The following CABIN1 variants were observed in gnomAD, a reference collection of about 807,000 sequenced individuals.
The protein encoded by CABIN1 is calcineurin binding protein 1.
CABIN1 carries 133 observed loss-of-function variants against 227.7 expected under a neutral mutation model. The observed-to-expected ratio is 0.58, with a 90% CI of 0.51 to 0.67. The LOEUF is 0.67. Among genes scored for constraint, CABIN1 ranks in the 30% least tolerant of loss-of-function variants. CABIN1 has a pLI of 0.00. For synonymous variants in CABIN1, 1,086 were observed against 1,155.1 expected (o/e 0.94, Z 1.21); for missense variants, 2,408 against 2,852.5 (o/e 0.84, Z 3.55).
intron 26 of CABIN1, among the ~76,000 whole-genome samples, chr22:24,112,912 A>G (rs572874633): frequency 2.4e-4 from 37 of 152,246 alleles, no homozygotes; most frequent in Non-Finnish European, 4.9e-4. Flanking sequence ...CCTCCCCTCC[A>G]GATCTGCACT....
At chr22:24,097,978 G>A (rs775459877) in intron 25 of CABIN1, 36 bp from the exon 26 acceptor site, 1 of 1,613,848 alleles carries the variant, frequency 6.2e-7, no homozygotes, top group South Asian at 1.1e-5. Context: ...GTGAGGTGGA[G>A]ACTCTGACCT....
At chr22:24,105,876 G>A (rs551818611) in intron 26 of CABIN1, among the ~76,000 whole-genome samples, 4 of 152,336 alleles carry the variant, frequency 2.6e-5, no homozygotes, top group Non-Finnish European at 5.9e-5. Flanking sequence ...GGCAGCTTTT[G>A]TCTATAGAGC....
intron 23 of CABIN1, among the ~76,000 whole-genome samples, chr22:24,089,970 C>T (rs9624400): frequency 6.6e-6 from 1 of 152,294 alleles, no homozygotes; most frequent in East Asian, 1.9e-4. Flanking sequence ...TCCTGAGCCC[C>T]TCTCATGGGC....
chr22:24,035,325 C>G, intron 1 of CABIN1, 119 bp from the exon 2 acceptor site: 1 of 683,984 alleles, frequency 1.5e-6, no homozygotes, highest in East Asian at 2.7e-5. Flanking sequence ...CCCAAGGCAG[C>G]TCTTCACTGG....
intron 6 of CABIN1, among the ~76,000 whole-genome samples, chr22:24,048,109 A>T (rs1349627715): frequency 6.6e-6 from 1 of 152,226 alleles, no homozygotes; most frequent in Admixed American, 6.5e-5. Context: ...GATGCTCATT[A>T]TGACATTAAC....
rs375594806 is a variant in CABIN1, at chr22:24,170,112, A to G, written c.5757+1591A>G. ...GGAGGCCCTAATGACCCTCAGACCT[A>G]CCTGCCTGCTTCCCAGACCCTGGTG... On this transcript the variant is annotated intron_variant, in intron 33 of 36. Coordinates refer to ENST00000263119, the MANE Select transcript of CABIN1 (RefSeq NM_012295.4). 1.3e-5 allele frequency: 6 copies of G among 456,674 alleles called. No individual in the cohort carries two copies. The East Asian group carries it at 3.5e-4, about 26-fold the overall frequency. The allele number at this position is 456,674 out of a possible 1,614,324, so 28.3% of individuals were successfully genotyped here. A position where few individuals can be genotyped will look rare whatever the true frequency, so the allele number is the denominator to read the frequency against.
chr22:24,087,462 T>C lies in CABIN1; in HGVS notation c.3274T>C (p.Trp1092Arg). The C allele has an allele frequency of 6.2e-7, 1 of 1,613,996 alleles. No individual in the cohort carries two copies. Among genetic ancestry groups the C allele is most frequent in the Non-Finnish European group, 8.5e-7 (1 of 1,180,038 alleles). Reference sequence around the variant, plus strand: ...TTGTTACCACCACAGGTTTGATTCCTGGGCAGGCATGGCTCTGGCCCGGGC... The same window carrying C: ...TTGTTACCACCACAGGTTTGATTCCCGGGCAGGCATGGCTCTGGCCCGGGC... ...ICICPNRFDS[W>R]AGMALARASR... The change falls in exon 23 of 37, where the codon TGG (tryptophan) becomes CGG (arginine). Residue 1092 changes from tryptophan (W) to arginine (R), a missense_variant. This residue lies in a region of CABIN1 where 649 missense variants were observed against 910.3 expected (regional missense o/e 0.71). Transcript: ENST00000263119.
In CABIN1 at chr22:24,050,849, G is replaced by A. The variant is rs761831284; in HGVS notation, c.681G>A (p.Ser227=). 17 of 1,614,064 alleles carry A rather than the reference G, an allele frequency of 1.1e-5. No individual in the cohort carries two copies. The East Asian group carries it at 2.2e-4, about 21-fold the overall frequency. ...LKCDMSIHDV[S]VSAAETQAIV... is the part of the protein sequence containing the mutation. Reference sequence around the variant, plus strand: ...GTGACATGTCGATTCACGATGTTTCGGTGAGTGCAGCTGAGACACAGGCGA... The same window carrying A: ...GTGACATGTCGATTCACGATGTTTCAGTGAGTGCAGCTGAGACACAGGCGA... Residue 227 remains serine, a synonymous_variant, in exon 8 of 37, where the codon TCG becomes TCA. Transcript: ENST00000263119.
chr22:24,060,149 G>C lies in CABIN1; in HGVS notation c.1617+8G>C. The C allele has an allele frequency of 6.2e-7, 1 of 1,612,480 alleles. No homozygotes were observed. The highest frequency in any genetic ancestry group is 8.5e-7 in the Non-Finnish European group (1 of 1,179,634). ...AGCAACAAGCACATCAAGGTTAGGG[G>C]GAGCCTCTCAAGGGCTGGTATTGAA... On this transcript the variant is annotated splice_region_variant and intron_variant, in intron 12 of 36. Coordinates refer to ENST00000263119, the MANE Select transcript of CABIN1 (RefSeq NM_012295.4).
At chr22:24,027,911 G>A (rs1433006818) in intron 1 of CABIN1, among the ~76,000 whole-genome samples, 1 of 151,072 alleles carries the variant, frequency 6.6e-6, no homozygotes, top group African/African-American at 2.4e-5. Flanking sequence ...AGATTGAGGA[G>A]GTCTCTTCCA....
At chr22:24,087,963 A>AGTTATAGT in intron 23 of CABIN1, among the ~76,000 whole-genome samples, 1 of 152,300 alleles carries the variant, frequency 6.6e-6, no homozygotes, top group Middle Eastern at 3.4e-3. Flanking sequence ...GTCAGCCATT[A>AGTTATAGT]GTTATAGTGT....
intron 29 of CABIN1, among the ~76,000 whole-genome samples, chr22:24,158,067 C>T (rs1221733387): frequency 6.6e-6 from 1 of 152,226 alleles, no homozygotes; most frequent in African/African-American, 2.4e-5. Flanking sequence ...ACCCGTGCCA[C>T]GGGGGATGCT....
At chr22:24,107,027 C>T (rs923157973) in intron 26 of CABIN1, among the ~76,000 whole-genome samples, 5 of 152,184 alleles carry the variant, frequency 3.3e-5, no homozygotes, top group Admixed American at 6.5e-5. Flanking sequence ...TTTGGTGGCT[C>T]TCATTTGAAG....
intron 22 of CABIN1, 119 bp from the exon 23 acceptor site, chr22:24,087,333 A>G: frequency 7.6e-7 from 1 of 1,321,802 alleles, no homozygotes; most frequent in South Asian, 1.2e-5. Flanking sequence ...TTGGGCTCTG[A>G]GCCCTGGTGT....
In CABIN1 at chr22:24,168,548, C is replaced by G. The variant is rs201106809; in HGVS notation, c.5757+27C>G. On this transcript the variant is annotated intron_variant, in intron 33 of 36. Coordinates refer to ENST00000263119, the MANE Select transcript of CABIN1 (RefSeq NM_012295.4). ...TAAGCCCAATTTAGCCTGTGCCAGCCTCATCTTGCGGAGCCTGCTCCATAT... is the reference window on the plus strand; with the variant it reads ...TAAGCCCAATTTAGCCTGTGCCAGCGTCATCTTGCGGAGCCTGCTCCATAT... 3.7e-5 allele frequency: 56 copies of G among 1,529,874 alleles called. No homozygotes were observed. The Admixed American group carries it at 8.4e-4, about 23-fold the overall frequency. 94.8% of individuals were successfully genotyped at this position (1,529,874 alleles called of 1,614,324 possible). A position where few individuals can be genotyped will look rare whatever the true frequency, so the allele number is the denominator to read the frequency against.
chr22:24,176,647 G>T (rs886926597), intron 35 of CABIN1, among the ~76,000 whole-genome samples: 5 of 152,168 alleles, frequency 3.3e-5, no homozygotes, highest in African/African-American at 1.2e-4. Context: ...GCATGGGCCT[G>T]GTGACAGACA....
chr22:24,078,705 G>C (rs2040600799), intron 19 of CABIN1, among the ~76,000 whole-genome samples: 1 of 151,992 alleles, frequency 6.6e-6, no homozygotes, highest in African/African-American at 2.4e-5. Context: ...CTTACATTGT[G>C]TGCCCACCCC....
chr22:24,017,493 C>T (rs1285928340), intron 1 of CABIN1, among the ~76,000 whole-genome samples: 1 of 152,172 alleles, frequency 6.6e-6, no homozygotes, highest in African/African-American at 2.4e-5. Flanking sequence ...CCATTCTTCC[C>T]TCCCCTAGCC....
In CABIN1 at chr22:24,064,178, C is replaced by T; in HGVS notation, c.2028C>T (p.Ser676=). ...ACCTCCATAATGACTCTGTGGTTTC[C>T]CTGGAGGAGGTAAGTGAGAATTTTC... ...LPNLHNDSVV[S]LEEIDKNLKS... Residue 676 remains serine (S), a synonymous_variant, in exon 15 of 37, where the codon TCC becomes TCT. Transcript: ENST00000263119. The T allele has an allele frequency of 6.2e-7, 1 of 1,614,156 alleles. No homozygotes were observed. Among genetic ancestry groups the T allele is most frequent in the Non-Finnish European group, 8.5e-7 (1 of 1,180,026 alleles).
Sources: gnomAD v4.1 joint callset for allele counts (sites outside exome capture counted in the v4.1 genomes callset) on GRCh38, gnomAD v4.1.1 for gene constraint, gnomAD v4.1.1 regional missense constraint, MANE v1.5 for transcripts, NCBI Gene and HGNC (gene_info 2026-07-23, HGNC 2026-07-21) for gene names.